The following TRAPPC9 variants were observed in gnomAD, a reference collection of about 807,000 sequenced individuals.
TRAPPC9 encodes the protein trafficking protein particle complex subunit 9, also known as IKK2 binding protein.
Under a neutral mutation model 124.0 loss-of-function variants are expected in TRAPPC9, and 83 were observed. The observed-to-expected ratio is 0.67, with a 90% CI of 0.56 to 0.80. The LOEUF (loss-of-function observed/expected upper bound fraction) is 0.80, where lower values mean the gene tolerates loss of function less well. Among genes scored for constraint, TRAPPC9 ranks in the 30% least tolerant of loss-of-function variants. The pLI, the probability that TRAPPC9 is intolerant of heterozygous loss-of-function variation, is 0.00. For synonymous variants in TRAPPC9, 638 were observed against 617.5 expected (o/e 1.03, Z -0.49); for missense variants, 1,302 against 1,508.3 (o/e 0.86, Z 2.27).
chr8:139,861,990 C>T (rs567077362), intron 21 of TRAPPC9, among the ~76,000 whole-genome samples: 2 of 152,344 alleles, frequency 1.3e-5, no homozygotes, highest in South Asian at 4.1e-4. Context: ...GGACACAGAT[C>T]AGCGAAGCAC....
chr8:139,935,082 C>T (rs936117635), intron 19 of TRAPPC9, among the ~76,000 whole-genome samples: 1 of 152,152 alleles, frequency 6.6e-6, no homozygotes, highest in African/African-American at 2.4e-5. Context: ...CAGCCCCTCC[C>T]GGTACGTGAT....
chr8:140,267,968 G>C (rs965764668), intron 15 of TRAPPC9, among the ~76,000 whole-genome samples: 3 of 151,962 alleles, frequency 2.0e-5, no homozygotes, highest in African/African-American at 7.2e-5. Context: ...ACCCAGCTGA[G>C]TAAAAGCTAT....
At chr8:139,909,952 C>T (rs925135182) in intron 20 of TRAPPC9, among the ~76,000 whole-genome samples, 195 bp downstream of exon 20, 4 of 152,230 alleles carry the variant, frequency 2.6e-5, no homozygotes, top group Non-Finnish European at 4.4e-5. Context: ...CCAATCAATA[C>T]TGCTCCGAGT....
intron 21 of TRAPPC9, among the ~76,000 whole-genome samples, chr8:139,881,908 G>C (rs1051296794): frequency 6.6e-6 from 1 of 152,196 alleles, no homozygotes; most frequent in South Asian, 2.1e-4. Context: ...CTGTCCCCCA[G>C]ACTGAAGAGC....
At chr8:140,000,867 C>T (rs934994489) in intron 18 of TRAPPC9, among the ~76,000 whole-genome samples, 6 of 152,114 alleles carry the variant, frequency 3.9e-5, no homozygotes, top group African/African-American at 4.8e-5. Context: ...TTTGAACCAG[C>T]GATCCCATTA....
intron 7 of TRAPPC9, among the ~76,000 whole-genome samples, chr8:140,383,242 A>T (rs528308856): frequency 6.6e-6 from 1 of 152,346 alleles, no homozygotes; most frequent in South Asian, 2.1e-4. Flanking sequence ...TGAAAATTCT[A>T]AAAATCGGAG....
chr8:139,871,468 C>T (rs900297486), intron 21 of TRAPPC9, among the ~76,000 whole-genome samples: 1 of 152,188 alleles, frequency 6.6e-6, no homozygotes, highest in Non-Finnish European at 1.5e-5. Context: ...TCTGCCCCAG[C>T]CCCGCGAGCC....
chr8:140,174,763 C>A (rs2062029499), intron 17 of TRAPPC9, among the ~76,000 whole-genome samples: 1 of 152,222 alleles, frequency 6.6e-6, no homozygotes, highest in South Asian at 2.1e-4. Context: ...CTTTTCTGGG[C>A]TGAAATAATA....
chr8:140,021,093 T>TA (rs1235173943), intron 18 of TRAPPC9, among the ~76,000 whole-genome samples: 2 of 152,234 alleles, frequency 1.3e-5, no homozygotes, highest in Non-Finnish European at 1.5e-5. Context: ...TAAATCTATT[T>TA]ACGTTTAGTG....
chr8:139,801,224 G>A (rs1823502047), intron 21 of TRAPPC9, among the ~76,000 whole-genome samples: 1 of 152,234 alleles, frequency 6.6e-6, no homozygotes, highest in African/African-American at 2.4e-5. Flanking sequence ...ACCACACAAT[G>A]CCTTCCTCTT....
chr8:140,438,458 T>C (rs925876256), intron 3 of TRAPPC9, among the ~76,000 whole-genome samples: 4 of 152,032 alleles, frequency 2.6e-5, no homozygotes, highest in Admixed American at 2.0e-4. Flanking sequence ...GTGAAGATCA[T>C]GGGGAACGGC....
At chr8:140,295,140 C>A (rs918602350) in intron 11 of TRAPPC9, among the ~76,000 whole-genome samples, 6 of 152,192 alleles carry the variant, frequency 3.9e-5, no homozygotes, top group African/African-American at 1.4e-4. Flanking sequence ...CGTTTATTGA[C>A]AAGTTCGTCT....
chr8:140,391,124 T>C (rs991542081), intron 7 of TRAPPC9, among the ~76,000 whole-genome samples: 5 of 152,246 alleles, frequency 3.3e-5, no homozygotes, highest in African/African-American at 1.2e-4. Flanking sequence ...AGGCTATTCT[T>C]ACATCTGAAC....
chr8:140,037,879 A>AACACACACACAC (rs10560088), intron 17 of TRAPPC9, among the ~76,000 whole-genome samples: 2 of 90,690 alleles, frequency 2.2e-5, no homozygotes, highest in African/African-American at 6.6e-5. Context: ...ACACACCTCC[A>AACACACACACAC]ACACACACAC....
intron 21 of TRAPPC9, among the ~76,000 whole-genome samples, chr8:139,795,576 G>A (rs1822996561): frequency 6.6e-6 from 1 of 151,824 alleles, no homozygotes. Flanking sequence ...GGGGCGGCGG[G>A]GAGAAGTGAA....
chr8:140,249,237 G>A (rs2131482625), intron 16 of TRAPPC9, among the ~76,000 whole-genome samples: 1 of 152,222 alleles, frequency 6.6e-6, no homozygotes, highest in Non-Finnish European at 1.5e-5. Flanking sequence ...ATGTCTGTGA[G>A]GACTCAATGC....
intron 7 of TRAPPC9, among the ~76,000 whole-genome samples, chr8:140,396,932 C>A (rs1459331657): frequency 1.3e-5 from 2 of 151,572 alleles, no homozygotes; most frequent in African/African-American, 4.9e-5. Context: ...ACCCACCTGC[C>A]TCAGCTCTCT....
At position 139,984,386 on chromosome 8, in the gene TRAPPC9, C is replaced by T. The variant is rs1055614546; in HGVS notation, c.2810+4340G>A. Among the ~76,000 whole-genome samples, 4 of 152,150 alleles carry T rather than the reference C, an allele frequency of 2.6e-5. No homozygotes were observed. Among genetic ancestry groups the T allele is most frequent in the Non-Finnish European group, 5.9e-5 (4 of 68,024 alleles). ...CCACACCTCCAGGCAGAGCCCATGC[C>T]CTCCCCACTCCAGAGGGCAGATCGC... On this transcript the variant is annotated intron_variant, in intron 19 of 22. Transcript: ENST00000438773. This position sits in a 1 kb window ranked among gnomAD's most constrained non-coding sequence, Gnocchi z 4.3.
intron 9 of TRAPPC9, among the ~76,000 whole-genome samples, chr8:140,331,530 C>T (rs1408807127): frequency 6.6e-6 from 1 of 152,102 alleles, no homozygotes; most frequent in African/African-American, 2.4e-5. Flanking sequence ...CAGTGAACAA[C>T]AATCTGCAGA....
Sources: allele counts gnomAD v4.1 joint callset (sites outside exome capture counted in the v4.1 genomes callset), GRCh38; gene constraint gnomAD v4.1.1; non-coding constraint Gnocchi (gnomAD v3.1); transcripts MANE v1.5; gene names NCBI Gene and HGNC (gene_info 2026-07-23, HGNC 2026-07-21).